The following PCDHGB4 variants were observed in gnomAD, a reference collection of about 807,000 sequenced individuals.
PCDHGB4 encodes protocadherin gamma subfamily B, 4.
A neutral mutation model predicts 60.5 loss-of-function variants in PCDHGB4; 38 were observed. The observed-to-expected ratio is 0.63, with a 90% CI of 0.48 to 0.82. The LOEUF (loss-of-function observed/expected upper bound fraction) is 0.82. Among genes scored for constraint, PCDHGB4 ranks in the 40% least tolerant of loss-of-function variants. The pLI is 0.00. For missense variants in PCDHGB4, 1,109 were observed against 1,209.6 expected, an observed-to-expected ratio of 0.92 and a Z score of 1.23; for synonymous variants, 456 against 509.7, an observed-to-expected ratio of 0.89 and a Z score of 1.42.
Position 141,490,310 on chromosome 5 carries a change from AC to A in PCDHGB4, c.2398-4494del. 1 of 1,614,084 alleles carries A rather than the reference AC, an allele frequency of 6.2e-7. No homozygotes were observed. The highest frequency in any genetic ancestry group is 8.5e-7 in the Non-Finnish European group (1 of 1,180,012). ...GAGGTGCTATTGGCCTCTTTGGCCA[AC>A]CCTGTCCTAGAGAGCACACCAGTGG... is the stretch of plus-strand genomic sequence containing the variant. On this transcript the variant is annotated intron_variant, in intron 1 of 3. Transcript: ENST00000519479. This position sits in a 1 kb window ranked among gnomAD's most constrained non-coding sequence, Gnocchi z 5.4.
chr5:141,431,968 T>G lies in PCDHGB4; in HGVS notation c.2397+41687T>G, dbSNP rs571981127. 6.2e-7 allele frequency: 1 copy of G among 1,614,190 alleles called. No individual in the cohort carries two copies. Among genetic ancestry groups the G allele is most frequent in the Admixed American group, 1.7e-5 (1 of 60,024 alleles). On this transcript the variant is annotated intron_variant, in intron 1 of 3. Coordinates refer to ENST00000519479, the MANE Select transcript of PCDHGB4 (RefSeq NM_003736.4). The surrounding 1 kb of genome is among the most constrained non-coding windows in gnomAD (Gnocchi z 4.8). ...AAAAATCTTACGGAAATTACTATAGTTTAGTCACAGACATAGTCTTGGATA... is the reference window on the plus strand; with the variant it reads ...AAAAATCTTACGGAAATTACTATAGGTTAGTCACAGACATAGTCTTGGATA...
Position 141,486,487 on chromosome 5 carries a change from C to G in PCDHGB4, c.2398-8320C>G. The G allele has an allele frequency of 6.2e-7, 1 of 1,614,086 alleles. No homozygotes were observed. The highest frequency in any genetic ancestry group is 1.1e-5 in the South Asian group (1 of 91,074). ...CTGGGAACCCTCCTCTCAGTACCCA[C>G]AGAACTATTTTCCTCAATATTTCAG... On this transcript the variant is annotated intron_variant, in intron 1 of 3. Coordinates refer to ENST00000519479, the MANE Select transcript of PCDHGB4 (RefSeq NM_003736.4). This position sits in a 1 kb window ranked among gnomAD's most constrained non-coding sequence, Gnocchi z 5.0.
intron 1 of PCDHGB4, chr5:141,394,811 C>T (rs1225635250): frequency 6.2e-7 from 1 of 1,613,888 alleles, no homozygotes; most frequent in African/African-American, 1.3e-5. Flanking sequence ...CCGTGGCTGA[C>T]AGCATCCCCG....
rs55729045 is a variant in PCDHGB4 at position 141,395,542 on chromosome 5, TTGTGTGTGTGTGTG to T, written c.2397+5297_2397+5310del. ...TCCATACTGGTAATTTTGCTATTGT[TTGTGTGTGTGTGTG>T]TGTGTGTGTGTGTGTGTGTGTGTGT... On this transcript the variant is annotated intron_variant, in intron 1 of 3. Transcript: ENST00000519479. The T allele has an allele frequency of 6.1e-4, 106 of 172,624 alleles. 1 individual carries two copies. Among genetic ancestry groups the T allele is most frequent in the South Asian group, 8.7e-4 (10 of 11,526 alleles). The allele number at this position is 172,624 out of a possible 1,614,324, so 10.7% of individuals were successfully genotyped here.
chr5:141,413,671 G>A (rs2095665360), intron 1 of PCDHGB4: 13 of 1,613,878 alleles, frequency 8.1e-6, no homozygotes, highest in Non-Finnish European at 9.3e-6. Flanking sequence ...TGATCCGGAT[G>A]TGGGCGTGAA....
chr5:141,393,553 A>T (rs377510269), intron 1 of PCDHGB4: 1 of 1,613,928 alleles, frequency 6.2e-7, no homozygotes, highest in African/African-American at 1.3e-5. Context: ...CACCCGATTT[A>T]CCGAGTGAAA....
At position 141,414,140 on chromosome 5, in the gene PCDHGB4, A is replaced by G. The variant is rs764980296; in HGVS notation, c.2397+23859A>G. ...GAAGAAACCGGTTTCTATGAAATAG[A>G]AATACAAGCAGAAGATGGAGGAGCA... On this transcript the variant is annotated intron_variant, in intron 1 of 3. Transcript: ENST00000519479. 4 of 1,596,912 alleles carry G rather than the reference A, an allele frequency of 2.5e-6. No individual in the cohort carries two copies. In the African/African-American group the frequency reaches 5.4e-5, roughly 21 times the overall value.
intron 1 of PCDHGB4, chr5:141,471,645 T>G (rs891817778): frequency 1.3e-5 from 2 of 152,178 alleles, no homozygotes; most frequent in Non-Finnish European, 2.9e-5. Context: ...AGTAATATAC[T>G]GGATGTGGGG....
At position 141,494,787 on chromosome 5, in the gene PCDHGB4, T is replaced by G. The variant is rs763990551; in HGVS notation, c.2398-20T>G. The G allele has an allele frequency of 6.2e-7, 1 of 1,614,044 alleles. No individual in the cohort carries two copies. Among genetic ancestry groups the G allele is most frequent in the Non-Finnish European group, 8.5e-7 (1 of 1,179,990 alleles). On this transcript the variant is annotated intron_variant, in intron 1 of 3. Transcript: ENST00000519479. ...ACTTCTCACGGGTACTCAGCCCCTT[T>G]CCCTCTGTTTTCTCCACAGCAAGCC...
chr5:141,483,648 T>TTGTGTGTGTGTG (rs111458813), intron 1 of PCDHGB4, among the ~76,000 whole-genome samples: 51 of 149,708 alleles, frequency 3.4e-4, no homozygotes, highest in African/African-American at 1.2e-3. Context: ...GGGTGTGTGT[T>TTGTGTGTGTGTG]TGTGTGTGTG....
rs2091056709 is a variant in PCDHGB4, at chr5:141,387,717, C to T, written c.-168C>T. 1 of 1,093,268 alleles carries T rather than the reference C, an allele frequency of 9.1e-7. No individual in the cohort carries two copies. The highest frequency in any genetic ancestry group is 1.6e-5 in the African/African-American group (1 of 63,258). 67.7% of individuals were successfully genotyped at this position (1,093,268 alleles called of 1,614,324 possible). On this transcript the variant is annotated 5_prime_UTR_variant, in exon 1 of 4. Coordinates refer to ENST00000519479, the MANE Select transcript of PCDHGB4 (RefSeq NM_003736.4). ...CTTTCCAGGGCAGCCCCAGCTCAGA[C>T]TCCCCAGCGCCAGCCTTTACACCGC... is the stretch of plus-strand genomic sequence containing the variant.
intron 3 of PCDHGB4, among the ~76,000 whole-genome samples, chr5:141,506,948 G>A (rs949082646): frequency 6.6e-6 from 1 of 152,162 alleles, no homozygotes; most frequent in Non-Finnish European, 1.5e-5. Flanking sequence ...TCCTGTCAAT[G>A]AATCCTCTCA....
intron 1 of PCDHGB4, chr5:141,409,339 T>G: frequency 6.2e-7 from 1 of 1,613,954 alleles, no homozygotes; most frequent in South Asian, 1.1e-5. Context: ...TCGGAGGAAA[T>G]GGAGAAGTCA....
intron 1 of PCDHGB4, among the ~76,000 whole-genome samples, chr5:141,461,391 G>A (rs1310387476): frequency 1.3e-5 from 2 of 152,058 alleles, no homozygotes; most frequent in East Asian, 1.9e-4. Context: ...GATGATTAGC[G>A]ATGTTGAGCA....
At position 141,432,480 on chromosome 5, in the gene PCDHGB4, G is replaced by C; in HGVS notation, c.2397+42199G>C. ...GCCCTCCCCACGGACGGTTCCACTGGCGTGGAGCTGGCTCCCCGCTCCGCA... is the reference window on the plus strand; with the variant it reads ...GCCCTCCCCACGGACGGTTCCACTGCCGTGGAGCTGGCTCCCCGCTCCGCA... On this transcript the variant is annotated intron_variant, in intron 1 of 3. Coordinates refer to ENST00000519479, the MANE Select transcript of PCDHGB4 (RefSeq NM_003736.4). The surrounding 1 kb of genome is among the most constrained non-coding windows in gnomAD (Gnocchi z 6.0). 6 of 1,614,180 alleles carry C rather than the reference G, an allele frequency of 3.7e-6. No homozygotes were observed. Among genetic ancestry groups the C allele is most frequent in the Non-Finnish European group, 5.1e-6 (6 of 1,180,044 alleles).
chr5:141,511,351 C>G lies in PCDHGB4; in HGVS notation c.*178C>G, dbSNP rs1190324197. On this transcript the variant is annotated 3_prime_UTR_variant, in exon 4 of 4. Coordinates refer to ENST00000519479, the MANE Select transcript of PCDHGB4 (RefSeq NM_003736.4). The stretch of plus-strand genomic sequence containing the variant: ...CCAGTCAGCACCTACCCCTTCCCCC[C>G]CAGGGGGTTGAATATGCAAAAGCAG... 6 of 1,386,432 alleles carry G rather than the reference C, an allele frequency of 4.3e-6. No individual in the cohort carries two copies. The highest frequency in any genetic ancestry group is 2.9e-5 in the African/African-American group (2 of 68,574). The allele number at this position is 1,386,432 out of a possible 1,614,324, so 85.9% of individuals were successfully genotyped here.
chr5:141,496,511 C>T (rs1161285563), intron 2 of PCDHGB4, among the ~76,000 whole-genome samples: 1 of 152,182 alleles, frequency 6.6e-6, no homozygotes, highest in Non-Finnish European at 1.5e-5. Flanking sequence ...CACAAGGACC[C>T]AGGAGCCCTT....
rs756525217 is a variant in PCDHGB4, at chr5:141,402,958, A to T, written c.2397+12677A>T. On this transcript the variant is annotated intron_variant, in intron 1 of 3. Coordinates refer to ENST00000519479, the MANE Select transcript of PCDHGB4 (RefSeq NM_003736.4). Reference sequence around the variant, plus strand: ...AATTCCAAAGCGAGGCAGCAATGGCAGCTCCAACCAAATGCCAGCTCCGCG... The same window carrying T: ...AATTCCAAAGCGAGGCAGCAATGGCTGCTCCAACCAAATGCCAGCTCCGCG... 48 of 1,602,110 alleles carry T rather than the reference A, an allele frequency of 3.0e-5. 1 individual carries two copies. The highest frequency in any genetic ancestry group is 8.5e-7 in the Non-Finnish European group (1 of 1,173,862).
chr5:141,404,358 C>T (rs746085915), intron 1 of PCDHGB4: 19 of 1,613,846 alleles, frequency 1.2e-5, no homozygotes, highest in Non-Finnish European at 1.6e-5. Context: ...GCCAGAGGTA[C>T]TTCCATCTTC....
Sources: allele counts gnomAD v4.1 joint callset (sites outside exome capture counted in the v4.1 genomes callset), GRCh38; gene constraint gnomAD v4.1.1; non-coding constraint Gnocchi (gnomAD v3.1); transcripts MANE v1.5; gene names NCBI Gene and HGNC (gene_info 2026-07-23, HGNC 2026-07-21).